Variants in KLHL1 observed in about 807,000 individuals in gnomAD.
KLHL1 encodes kelch-like protein 1.
KLHL1 carries 47 observed loss-of-function variants against 77.7 expected under a neutral mutation model. The observed-to-expected ratio is 0.60, with a 90% CI of 0.48 to 0.77. The LOEUF is 0.77. Among genes scored for constraint, KLHL1 ranks in the 30% least tolerant of loss-of-function variants. The probability of loss-of-function intolerance (pLI) is 0.00; values close to 1 mark genes in which losing one functional copy is unlikely to be tolerated. For missense variants in KLHL1, 925 were observed against 910.8 expected (o/e 1.02, Z -0.20); for synonymous variants, 360 against 325.2 (o/e 1.11, Z -1.15).
intron 7 of KLHL1, among the ~76,000 whole-genome samples, chr13:69,796,042 T>A (rs1877089540): frequency 6.6e-6 from 1 of 152,192 alleles, no homozygotes; most frequent in African/African-American, 2.4e-5. Flanking sequence ...ACTTCATTTT[T>A]CCATATTCAA....
intron 7 of KLHL1, among the ~76,000 whole-genome samples, chr13:69,789,349 A>AAAT (rs1311187406): frequency 6.6e-6 from 1 of 151,906 alleles, no homozygotes; most frequent in Non-Finnish European, 1.5e-5. Context: ...TAAAAAATCA[A>AAAT]AATATTATTA....
At chr13:70,015,285 T>C (rs956450841) in intron 1 of KLHL1, among the ~76,000 whole-genome samples, 3 of 152,186 alleles carry the variant, frequency 2.0e-5, no homozygotes, top group Non-Finnish European at 4.4e-5. Flanking sequence ...TACAAACCTG[T>C]ACAGTATGTT....
intron 1 of KLHL1, among the ~76,000 whole-genome samples, chr13:70,082,311 TCACA>T (rs4053611): frequency 0.18 from 19,471 of 110,594 alleles, 2,031 homozygotes; most frequent in East Asian, 0.25. Context: ...CTTGGACCTG[TCACA>T]CACACACACA....
rs1876847581 is a variant in KLHL1 at position 69,791,019 on chromosome 13, C to T, written c.1639+5719G>A. Among the ~76,000 whole-genome samples, 3 of 151,868 alleles carry T rather than the reference C, an allele frequency of 2.0e-5. No homozygotes were observed. The South Asian group carries it at 6.2e-4, about 31-fold the overall frequency. ...GTGAAAGTCACTTGTATAGTGAATG[C>T]TGGAGGGTCAAGCCATTGCTGTGGG... On this transcript the variant is annotated intron_variant, in intron 7 of 10. Coordinates refer to ENST00000377844, the MANE Select transcript of KLHL1 (RefSeq NM_020866.3).
At chr13:70,059,870 A>G (rs746907611) in intron 1 of KLHL1, among the ~76,000 whole-genome samples, 2 of 152,120 alleles carry the variant, frequency 1.3e-5, no homozygotes, top group Non-Finnish European at 2.9e-5. Context: ...CTTTGAAACA[A>G]CTAGATCTCA....
chr13:69,724,168 C>T (rs2113357), intron 8 of KLHL1, among the ~76,000 whole-genome samples: 130,762 of 152,064 alleles, frequency 0.86, 56,892 homozygotes, highest in East Asian at 0.99. Context: ...TATGTATGAC[C>T]TGGAAGTCCC....
intron 1 of KLHL1, among the ~76,000 whole-genome samples, chr13:70,058,092 T>G (rs916132858): frequency 2.0e-5 from 3 of 151,066 alleles, no homozygotes; most frequent in Non-Finnish European, 3.0e-5. Flanking sequence ...GGAATATGCC[T>G]CAACACAGAG....
intron 7 of KLHL1, among the ~76,000 whole-genome samples, chr13:69,777,684 C>CT (rs1289753357): frequency 6.6e-6 from 1 of 152,072 alleles, no homozygotes; most frequent in African/African-American, 2.4e-5. Context: ...CACAGTTCAG[C>CT]TTATGCATCA....
At chr13:69,792,420 G>A (rs1157174317) in intron 7 of KLHL1, among the ~76,000 whole-genome samples, 1 of 152,182 alleles carries the variant, frequency 6.6e-6, no homozygotes, top group Non-Finnish European at 1.5e-5. Flanking sequence ...GCAAAAATGT[G>A]AAGAAACTGA....
intron 5 of KLHL1, among the ~76,000 whole-genome samples, chr13:69,860,210 A>G (rs1880084036): frequency 6.6e-6 from 1 of 152,116 alleles, no homozygotes; most frequent in African/African-American, 2.4e-5. Context: ...GAAGATATGG[A>G]GTGGTAGAAT....
chr13:69,934,384 G>A (rs900661262), intron 4 of KLHL1, among the ~76,000 whole-genome samples: 5 of 151,730 alleles, frequency 3.3e-5, no homozygotes, highest in African/African-American at 1.2e-4. Context: ...TTACCTATAT[G>A]TATACACAGA....
chr13:69,722,290 CAAT>C (rs1873101271), intron 8 of KLHL1, among the ~76,000 whole-genome samples: 1 of 151,644 alleles, frequency 6.6e-6, no homozygotes, highest in Admixed American at 6.6e-5. Context: ...TAGTTCTAGG[CAAT>C]AATAGATCAT....
chr13:69,747,727 A>C (rs894073188), intron 7 of KLHL1, among the ~76,000 whole-genome samples: 3 of 152,030 alleles, frequency 2.0e-5, no homozygotes, highest in African/African-American at 7.2e-5. Flanking sequence ...AAAACTTTAA[A>C]GCATGACAAT....
At chr13:69,979,474 T>C (rs577759561) in intron 1 of KLHL1, among the ~76,000 whole-genome samples, 1 of 152,262 alleles carries the variant, frequency 6.6e-6, no homozygotes, top group East Asian at 1.9e-4. Context: ...TTTAACCTTC[T>C]TCCCATCACA....
chr13:69,753,805 T>C (rs1436751482), intron 7 of KLHL1, among the ~76,000 whole-genome samples: 1 of 151,816 alleles, frequency 6.6e-6, no homozygotes, highest in African/African-American at 2.4e-5. Context: ...ATCTTGACAT[T>C]CCATGTTCAT....
intron 4 of KLHL1, among the ~76,000 whole-genome samples, chr13:69,886,179 T>C (rs1393221195): frequency 6.6e-6 from 1 of 152,150 alleles, no homozygotes; most frequent in African/African-American, 2.4e-5. Context: ...ACACATTTTC[T>C]ACATATGGGT....
chr13:69,824,286 T>C (rs750735599), intron 6 of KLHL1, among the ~76,000 whole-genome samples: 4 of 151,972 alleles, frequency 2.6e-5, no homozygotes, highest in Non-Finnish European at 4.4e-5. Flanking sequence ...AAAAAGCAAA[T>C]AGATTTATTA....
intron 5 of KLHL1, among the ~76,000 whole-genome samples, chr13:69,867,505 T>C (rs553613228): frequency 2.6e-4 from 40 of 152,144 alleles, no homozygotes; most frequent in African/African-American, 7.5e-4. Flanking sequence ...GTCTTTTATA[T>C]AATGCTTTGT....
At chr13:69,744,876 G>T (rs1196911742) in intron 7 of KLHL1, among the ~76,000 whole-genome samples, 1 of 151,870 alleles carries the variant, frequency 6.6e-6, no homozygotes, top group Non-Finnish European at 1.5e-5. Flanking sequence ...CCATTCTATT[G>T]TTGATGAAAA....
Sources: allele counts gnomAD v4.1 joint callset (sites outside exome capture counted in the v4.1 genomes callset), GRCh38; gene constraint gnomAD v4.1.1; transcripts MANE v1.5; gene names NCBI Gene and HGNC (gene_info 2026-07-23, HGNC 2026-07-21).